NF1: variants seen among roughly 807,000 people sequenced by gnomAD.
The protein encoded by NF1 is neurofibromin 1.
NF1 carries 122 observed loss-of-function variants against 325.7 expected under a neutral mutation model. The ratio of observed to expected loss-of-function variants is 0.37; its 90% CI spans 0.32 to 0.44. The LOEUF (loss-of-function observed/expected upper bound fraction) is 0.44. Among genes scored for constraint, NF1 ranks in the 20% least tolerant of loss-of-function variants. NF1 has a pLI of 1.00. For synonymous variants in NF1, 1,091 were observed against 1,186.0 expected (o/e 0.92, Z 1.65); for missense variants, 2,140 against 3,415.4 (o/e 0.63, Z 9.31).
intron 38 of NF1, among the ~76,000 whole-genome samples, chr17:31,328,864 G>A (rs2069412122): frequency 6.6e-6 from 1 of 152,172 alleles, no homozygotes; most frequent in South Asian, 2.1e-4. Context: ...TTGTACATAA[G>A]ATTTTGTGTA....
intron 3 of NF1, 64 bp downstream of exon 3, chr17:31,159,157 C>T (rs2143647684): frequency 8.8e-7 from 1 of 1,133,400 alleles, no homozygotes; most frequent in Non-Finnish European, 1.3e-6. Context: ...ATCTTATGTC[C>T]CAAAGTACAG....
intron 50 of NF1, 109 bp from the exon 51 acceptor site, chr17:31,352,148 T>G: frequency 9.9e-7 from 1 of 1,008,342 alleles, no homozygotes; most frequent in Non-Finnish European, 1.5e-6. Flanking sequence ...AATTTTAAAA[T>G]TAATTGATTG....
chr17:31,181,763 G>A lies in NF1; in HGVS notation c.708G>A (p.Gln236=), dbSNP rs2143778212. The part of the protein sequence containing the change: ...NYPDEFTKLY[Q]IPQTDMAECA... ...CAGATGAATTTACAAAACTGTACCA[G>A]ATCCCACAGACTGATATGGCTGGTA... Residue 236 remains glutamine, a synonymous_variant, in exon 7 of 58, where the codon CAG becomes CAA. Transcript: ENST00000358273. 1 of 1,607,060 alleles carries A rather than the reference G, an allele frequency of 6.2e-7. No individual in the cohort carries two copies. Among genetic ancestry groups the A allele is most frequent in the Non-Finnish European group, 8.5e-7 (1 of 1,174,756 alleles).
intron 29 of NF1, among the ~76,000 whole-genome samples, chr17:31,247,820 C>T (rs892665566): frequency 1.3e-5 from 2 of 152,168 alleles, no homozygotes; most frequent in African/African-American, 2.4e-5. Flanking sequence ...ACTATATCTT[C>T]ATCTATCAAC....
rs3815156 is a variant in NF1, at chr17:31,358,132, A to G, written c.7971-348A>G. 69,506 of 353,120 alleles carry G rather than the reference A, an allele frequency of 0.2. 8,425 individuals are homozygous for G. The highest frequency in any genetic ancestry group is 0.44 in the East Asian group (6,304 of 14,336). 21.9% of individuals were successfully genotyped at this position (353,120 alleles called of 1,614,324 possible). A position where few individuals can be genotyped will look rare whatever the true frequency, so the allele number is the denominator to read the frequency against. ...ACTTCCTAAGCGCATGTCAGTATACAACAGATGGAAATAGTACTAAAACAT... is the reference window on the plus strand; with the variant it reads ...ACTTCCTAAGCGCATGTCAGTATACGACAGATGGAAATAGTACTAAAACAT... On this transcript the variant is annotated intron_variant, in intron 54 of 57. Transcript: ENST00000358273.
At chr17:31,269,460 A>G (rs1431637953) in intron 36 of NF1, among the ~76,000 whole-genome samples, 2 of 152,224 alleles carry the variant, frequency 1.3e-5, no homozygotes, top group East Asian at 3.8e-4. Context: ...ATGATGATAC[A>G]TTTACATTAG....
chr17:31,222,076 A>G, intron 15 of NF1, 147 bp downstream of exon 15: 1 of 1,295,942 alleles, frequency 7.7e-7, no homozygotes, highest in Non-Finnish European at 9.8e-7. Flanking sequence ...ACTTCAAATT[A>G]TTAGAATTTC....
chr17:31,345,082 C>T (rs911280765), intron 48 of NF1, among the ~76,000 whole-genome samples: 5 of 152,156 alleles, frequency 3.3e-5, no homozygotes, highest in Non-Finnish European at 7.3e-5. Context: ...AAGATCCTAC[C>T]ACTGCACTCC....
chr17:31,188,564 A>G (rs1324422142), intron 8 of NF1, among the ~76,000 whole-genome samples: 2 of 152,164 alleles, frequency 1.3e-5, no homozygotes, highest in African/African-American at 4.8e-5. Context: ...CAAGTTGACA[A>G]GGGGTGGACT....
At chr17:31,178,711 C>T (rs546811129) in intron 5 of NF1, among the ~76,000 whole-genome samples, 5 of 152,216 alleles carry the variant, frequency 3.3e-5, no homozygotes, top group Admixed American at 3.3e-4. Flanking sequence ...GGGTTGCAAT[C>T]CTAGTCTCTG....
rs2070723832 is a variant in NF1, at chr17:31,375,794, A to G, written c.*1639A>G. ...TTTATCCACACAGTAACAATGTAATATGTTAATGTAAATAAAATTGGTTTT... is the reference window on the plus strand; with the variant it reads ...TTTATCCACACAGTAACAATGTAATGTGTTAATGTAAATAAAATTGGTTTT... On this transcript the variant is annotated 3_prime_UTR_variant, in exon 58 of 58. Coordinates refer to ENST00000358273, the MANE Select transcript of NF1 (RefSeq NM_001042492.3). 8.6e-6 allele frequency: 2 copies of G among 232,444 alleles called. No individual in the cohort carries two copies. Among genetic ancestry groups the G allele is most frequent in the South Asian group, 3.6e-4 (2 of 5,528 alleles). 14.4% of individuals were successfully genotyped at this position (232,444 alleles called of 1,614,324 possible). A position where few individuals can be genotyped will look rare whatever the true frequency, so the allele number is the denominator to read the frequency against.
intron 1 of NF1, among the ~76,000 whole-genome samples, chr17:31,121,038 A>G (rs554162253): frequency 1.1e-4 from 16 of 152,354 alleles, no homozygotes; most frequent in Middle Eastern, 3.4e-3. Context: ...AAAAAACACA[A>G]CAACCATGTA....
At chr17:31,250,534 A>G (rs1157284901) in intron 30 of NF1, 1 of 202,226 alleles carries the variant, frequency 4.9e-6, no homozygotes, top group East Asian at 7.6e-5. Context: ...TACATGGTCT[A>G]GGAGATTGTA....
chr17:31,327,884 C>G, intron 38 of NF1, 45 bp downstream of exon 38: 1 of 1,548,954 alleles, frequency 6.5e-7, no homozygotes, highest in Non-Finnish European at 8.9e-7. Context: ...GGGTTTGTTG[C>G]TTTTAAAATG....
chr17:31,316,021 C>G (rs543346150), intron 36 of NF1, among the ~76,000 whole-genome samples: 1 of 152,174 alleles, frequency 6.6e-6, no homozygotes, highest in African/African-American at 2.4e-5. Flanking sequence ...CTCAGCCTCT[C>G]GAGTAGCTAG....
intron 5 of NF1, among the ~76,000 whole-genome samples, chr17:31,171,238 G>T (rs1476986397): frequency 1.3e-5 from 2 of 152,150 alleles, no homozygotes; most frequent in East Asian, 3.9e-4. Flanking sequence ...ATATAGGGGT[G>T]ATTTTAGCTG....
chr17:31,170,163 A>G (rs2065907399), intron 5 of NF1, among the ~76,000 whole-genome samples, 166 bp downstream of exon 5: 2 of 152,186 alleles, frequency 1.3e-5, no homozygotes, highest in South Asian at 4.1e-4. Flanking sequence ...TTATTTTTCA[A>G]TCTTTGAAAA....
chr17:31,107,265 A>G (rs1424136921), intron 1 of NF1, among the ~76,000 whole-genome samples: 1 of 152,006 alleles, frequency 6.6e-6, no homozygotes, highest in Non-Finnish European at 1.5e-5. Flanking sequence ...TTTCCCTGTT[A>G]TGTTTCAGTT....
chr17:31,153,798 A>G (rs932339202), intron 1 of NF1, among the ~76,000 whole-genome samples: 2 of 149,690 alleles, frequency 1.3e-5, no homozygotes, highest in Non-Finnish European at 3.0e-5. Flanking sequence ...TTTTAAAGTA[A>G]AGATGAGGTC....
Sources: allele counts gnomAD v4.1 joint callset (sites outside exome capture counted in the v4.1 genomes callset), GRCh38; gene constraint gnomAD v4.1.1; transcripts MANE v1.5; gene names NCBI Gene and HGNC (gene_info 2026-07-23, HGNC 2026-07-21).